EYS: variants seen among roughly 807,000 people sequenced by gnomAD.
EYS encodes the protein EGF-like photoreceptor maintenance factor.
A neutral mutation model predicts 282.1 loss-of-function variants in EYS; 250 were observed. The observed-to-expected ratio is 0.89, with a 90% CI of 0.80 to 0.98. The LOEUF (loss-of-function observed/expected upper bound fraction) is 0.98, where lower values mean the gene tolerates loss of function less well. Among genes scored for constraint, EYS ranks in the 50% least tolerant of loss-of-function variants. EYS has a pLI of 0.00. For missense variants in EYS, 4,016 were observed against 3,709.0 expected (o/e 1.08, Z -2.15); for synonymous variants, 1,355 against 1,282.9 (o/e 1.06, Z -1.20).
At chr6:65,292,684 A>G (rs1768559647) in intron 12 of EYS, among the ~76,000 whole-genome samples, 1 of 151,788 alleles carries the variant, frequency 6.6e-6, no homozygotes, top group Non-Finnish European at 1.5e-5. Context: ...AATAACTGGC[A>G]CTGTACAGTG....
At chr6:64,727,990 G>A (rs770832345) in intron 22 of EYS, among the ~76,000 whole-genome samples, 4 of 152,108 alleles carry the variant, frequency 2.6e-5, no homozygotes, top group African/African-American at 7.2e-5. Context: ...ACCCCTTCAC[G>A]GGTGGAAACT....
In EYS at chr6:64,434,100, A is replaced by C. The variant is rs117804309; in HGVS notation, c.5927+2074T>G. Among the ~76,000 whole-genome samples the C allele has an allele frequency of 4.2e-3, 632 of 152,124 alleles. 10 individuals carry two copies. In the East Asian group the frequency reaches 0.048, roughly 12 times the overall value. ...AGGTCATTATGGTAGGCTTTAATCC[A>C]ATGTGTCTGGTGATCTTATTACAAG... is the stretch of plus-strand genomic sequence containing the variant. On this transcript the variant is annotated intron_variant, in intron 28 of 42. Transcript: ENST00000503581.
At chr6:64,474,535 T>C (rs1246918820) in intron 26 of EYS, among the ~76,000 whole-genome samples, 2 of 152,210 alleles carry the variant, frequency 1.3e-5, no homozygotes, top group Non-Finnish European at 2.9e-5. Context: ...TAGTTATAAA[T>C]TTGCATACTC....
chr6:64,345,101 T>C (rs1771323236), intron 29 of EYS, among the ~76,000 whole-genome samples: 1 of 152,114 alleles, frequency 6.6e-6, no homozygotes, highest in African/African-American at 2.4e-5. Context: ...GAAGACTCAA[T>C]ATCGTGAAAA....
chr6:64,235,377 A>T (rs966999563), intron 30 of EYS, among the ~76,000 whole-genome samples: 7 of 151,922 alleles, frequency 4.6e-5, no homozygotes, highest in Non-Finnish European at 1.0e-4. Flanking sequence ...ACTGAGAATG[A>T]TGATTTCCAA....
intron 13 of EYS, among the ~76,000 whole-genome samples, chr6:65,027,022 GT>G (rs74497929): frequency 0.25 from 34,353 of 135,470 alleles, 4,584 homozygotes; most frequent in African/African-American, 0.39. Context: ...TGTAATGTGT[GT>G]TTTTTTTTTT....
chr6:63,918,669 G>A (rs748939351), intron 35 of EYS, among the ~76,000 whole-genome samples: 1 of 152,282 alleles, frequency 6.6e-6, no homozygotes, highest in East Asian at 1.9e-4. Flanking sequence ...GTGGCAGCAA[G>A]GGTATTCAAA....
intron 26 of EYS, among the ~76,000 whole-genome samples, chr6:64,525,400 T>C (rs937637948): frequency 4.6e-5 from 7 of 151,810 alleles, no homozygotes; most frequent in Non-Finnish European, 1.0e-4. Context: ...GAGGCCATTA[T>C]CCTTAGCAAA....
At chr6:64,409,450 A>G (rs566187078) in intron 28 of EYS, among the ~76,000 whole-genome samples, 4 of 152,332 alleles carry the variant, frequency 2.6e-5, no homozygotes, top group African/African-American at 4.8e-5. Context: ...GAGCTTCTAC[A>G]TAGAAAAAGG....
At chr6:65,347,514 C>T (rs1770444412) in intron 9 of EYS, among the ~76,000 whole-genome samples, 1 of 151,020 alleles carries the variant, frequency 6.6e-6, no homozygotes. Context: ...TCTTTTCTTT[C>T]TGACATCAAC....
intron 33 of EYS, among the ~76,000 whole-genome samples, chr6:64,063,188 C>A (rs535141221): frequency 3.7e-4 from 56 of 152,244 alleles, no homozygotes; most frequent in East Asian, 1.4e-3. Context: ...TTTCAATTAT[C>A]GTCTGCACAG....
At chr6:64,714,611 C>T (rs1231502883) in intron 22 of EYS, among the ~76,000 whole-genome samples, 1 of 151,114 alleles carries the variant, frequency 6.6e-6, no homozygotes, top group African/African-American at 2.4e-5. Flanking sequence ...CTGCAAGCTC[C>T]GCCTCCCGGG....
At chr6:65,454,939 G>A (rs541084917) in intron 5 of EYS, among the ~76,000 whole-genome samples, 2 of 152,116 alleles carry the variant, frequency 1.3e-5, no homozygotes, top group South Asian at 2.1e-4. Flanking sequence ...AAGGTAGCCC[G>A]ATTTCTCTAG....
At chr6:65,689,877 G>A (rs992163188) in intron 1 of EYS, among the ~76,000 whole-genome samples, 1 of 149,750 alleles carries the variant, frequency 6.7e-6, no homozygotes, top group African/African-American at 2.4e-5. Context: ...CAGATCGGCA[G>A]GTCGAGAAAT....
At chr6:65,093,975 T>A (rs924203057) in intron 12 of EYS, among the ~76,000 whole-genome samples, 6 of 151,824 alleles carry the variant, frequency 4.0e-5, no homozygotes, top group African/African-American at 1.2e-4. Context: ...AGAGAGCAGG[T>A]TAGCTATACT....
At chr6:64,769,942 T>TAC (rs1012097681) in intron 22 of EYS, among the ~76,000 whole-genome samples, 2 of 151,926 alleles carry the variant, frequency 1.3e-5, no homozygotes, top group African/African-American at 4.8e-5. Flanking sequence ...TGTATATATA[T>TAC]ACACACACAC....
At chr6:65,152,509 G>A (rs1764636924) in intron 12 of EYS, among the ~76,000 whole-genome samples, 2 of 151,844 alleles carry the variant, frequency 1.3e-5, no homozygotes, top group African/African-American at 4.8e-5. Context: ...GGGCAATCAG[G>A]TAAAGAGCCA....
intron 36 of EYS, among the ~76,000 whole-genome samples, chr6:63,843,520 C>T (rs755183978): frequency 9.2e-5 from 14 of 151,976 alleles, no homozygotes; most frequent in East Asian, 1.9e-4. Flanking sequence ...TCTCAATAGA[C>T]GCAGAAAAGA....
chr6:64,539,531 A>G (rs1362709807), intron 26 of EYS, among the ~76,000 whole-genome samples: 1 of 152,136 alleles, frequency 6.6e-6, no homozygotes, highest in Admixed American at 6.5e-5. Context: ...TGATTATACC[A>G]CTGCACTCCA....
Sources: allele counts gnomAD v4.1 joint callset (sites outside exome capture counted in the v4.1 genomes callset), GRCh38; gene constraint gnomAD v4.1.1; transcripts MANE v1.5; gene names NCBI Gene and HGNC (gene_info 2026-07-23, HGNC 2026-07-21).